Variants in MUC6 observed in about 807,000 individuals in gnomAD.
MUC6 encodes the protein mucin 6, oligomeric mucus/gel-forming (gene/pseudogene).
In MUC6, 188 loss-of-function variants were observed where a neutral mutation model predicts 201.5. That is an observed-to-expected ratio of 0.93 (90% CI 0.83 to 1.05). The LOEUF is 1.05. MUC6 is among the 50% of genes least tolerant of loss of function. MUC6 has a pLI of 0.00. For synonymous variants in MUC6, 1,228 were observed against 1,389.4 expected (o/e 0.88, Z 2.58); for missense variants, 2,706 against 3,256.9 (o/e 0.83, Z 4.12).
intron 19 of MUC6, 138 bp downstream of exon 19, chr11:1,026,803 G>T: frequency 2.1e-6 from 2 of 964,746 alleles, no homozygotes; most frequent in Non-Finnish European, 1.5e-6. Context: ...TGGCCACAGG[G>T]CCGCTTCCAC....
Position 1,028,328 on chromosome 11 carries a change from C to G in MUC6, c.1651G>C (p.Ala551Pro). 1 of 1,612,500 alleles carries G rather than the reference C, an allele frequency of 6.2e-7. No homozygotes were observed. Among genetic ancestry groups the G allele is most frequent in the Non-Finnish European group, 8.5e-7 (1 of 1,179,800 alleles). The change falls in exon 14 of 33, where the codon GCC becomes CCC. Residue 551 changes from alanine to proline, a missense_variant. Around this residue, in one of 10 missense-constraint regions of MUC6, gnomAD observed 1,850 missense variants for 1,958.3 expected, o/e 0.94. Coordinates refer to ENST00000421673, the MANE Select transcript of MUC6 (RefSeq NM_005961.3). ...ACAAACAGCGAGGCGGTGCCCTCGG[C>G]GATACCCATGCTAGTGGTGAAGTCA... ...TDDFTTSMGI[A>P]EGTASLFVDS...
At position 1,020,328 on chromosome 11, in the gene MUC6, C is replaced by G. The variant is rs956977988; in HGVS notation, c.3641-71G>C. 1.8e-5 allele frequency: 28 copies of G among 1,521,840 alleles called. No homozygotes were observed. In the South Asian group the frequency reaches 3.2e-4, roughly 18 times the overall value. 94.3% of individuals were successfully genotyped at this position (1,521,840 alleles called of 1,614,324 possible). A position where few individuals can be genotyped will look rare whatever the true frequency, so the allele number is the denominator to read the frequency against. ...CCTTGGGGAGCACCCTCCCCTCTGC[C>G]TGCTTGGCCCTGAAGCCGGGCAGCC... On this transcript the variant is annotated intron_variant, in intron 28 of 32. Transcript: ENST00000421673.
intron 25 of MUC6, 58 bp from the exon 26 acceptor site, chr11:1,023,710 C>G: frequency 6.3e-7 from 1 of 1,594,420 alleles, no homozygotes; most frequent in Non-Finnish European, 8.6e-7. Context: ...TGGCCCTGAC[C>G]CGGTGGTTCC....
intron 26 of MUC6, 78 bp downstream of exon 26, chr11:1,023,431 C>A: frequency 1.4e-6 from 2 of 1,466,032 alleles, no homozygotes; most frequent in South Asian, 1.3e-5. Flanking sequence ...TGAATGAATG[C>A]GTGTGAATGA....
Position 1,018,557 on chromosome 11 carries a change from G to A in MUC6, c.4244C>T (p.Pro1415Leu), listed in dbSNP as rs769728734. 1 of 1,613,140 alleles carries A rather than the reference G, an allele frequency of 6.2e-7. No individual in the cohort carries two copies. The highest frequency in any genetic ancestry group is 1.3e-5 in the African/African-American group (1 of 74,778). The change falls in exon 31 of 33, where the codon CCC (proline) becomes CTC (leucine). Residue 1415 changes from proline to leucine, a missense_variant. By Grantham distance (98) the Pro-to-Leu change is moderately conservative. Transcript: ENST00000421673. Reference protein sequence around the residue: ...TTHSPPTAGSPVPSTGPVTAT... With the variant: ...TTHSPPTAGSLVPSTGPVTAT... ...AGTGACAGGACCTGTGGAAGGGACG[G>A]GACTCCCCGCCGTAGGCGGGGAGTG...
chr11:1,036,483 T>A, intron 1 of MUC6, 121 bp downstream of exon 1: 1 of 1,163,606 alleles, frequency 8.6e-7, no homozygotes. Flanking sequence ...AGCTGGGGCC[T>A]CCCGTCCATC....
chr11:1,024,179 C>T (rs1856894270), intron 24 of MUC6, 76 bp from the exon 25 acceptor site: 1 of 1,514,298 alleles, frequency 6.6e-7, no homozygotes, highest in African/African-American at 1.4e-5. Context: ...CTGCAGGGCC[C>T]TCAGTGTGGT....
rs745525552 is a variant in MUC6, at chr11:1,017,438, G to A, written c.5363C>T (p.Ala1788Val). ...GGGTGTGGGTAGCCTGCTGCTGGTG[G>A]CCGACGTGGTGTGGGCCACAGGGGT... ...TRTPVAHTTS[A>V]TSSRLPTPFT... The change falls in exon 31 of 33, where the codon GCC becomes GTC. Residue 1788 changes from alanine to valine, a missense_variant. Physicochemically the swap from Ala to Val is moderately conservative, Grantham distance 64. This residue lies in a region of MUC6 where 25 missense variants were observed against 138.4 expected (regional missense o/e 0.18). Transcript: ENST00000421673. 6.2e-7 allele frequency: 1 copy of A among 1,614,060 alleles called. No individual in the cohort carries two copies. Among genetic ancestry groups the A allele is most frequent in the Non-Finnish European group, 8.5e-7 (1 of 1,179,874 alleles).
Position 1,023,082 on chromosome 11 carries a change from G to A in MUC6, c.3526+427C>T, listed in dbSNP as rs558569827. 1.6e-3 allele frequency among the ~76,000 whole-genome samples: 239 copies of A among 150,860 alleles called. 2 individuals carry two copies. Among genetic ancestry groups the A allele is most frequent in the African/African-American group, 5.5e-3 (226 of 40,742 alleles). Reference sequence around the variant, plus strand: ...GAATGAGCGTGAATATGTTGAATGAGTGTGTGTGGGTGAATGAATGGATGA... The same window carrying A: ...GAATGAGCGTGAATATGTTGAATGAATGTGTGTGGGTGAATGAATGGATGA... On this transcript the variant is annotated intron_variant, in intron 26 of 32. Coordinates refer to ENST00000421673, the MANE Select transcript of MUC6 (RefSeq NM_005961.3).
chr11:1,020,717 G>A lies in MUC6; in HGVS notation c.3607C>T (p.Gln1203Ter). ...CVPCMPPTTPQPPTTPQLPTT... is the reference protein window; with the variant it reads ...CVPCMPPTTP ...GGCAGCTGCGGCGTGGTGGGTGGCT[G>A]CGGCGTGGTGGGCGGCACTGCAAGA... is the stretch of plus-strand genomic sequence containing the variant. Residue 1203 changes from glutamine to a stop codon, truncating the protein, a stop_gained, in exon 28 of 33, where the codon CAG (glutamine) becomes TAG (stop). Transcript: ENST00000421673. LOFTEE classifies it high-confidence loss of function. 4 of 1,613,318 alleles carry A rather than the reference G, an allele frequency of 2.5e-6. No homozygotes were observed. Among genetic ancestry groups the A allele is most frequent in the Middle Eastern group, 1.7e-4 (1 of 6,050 alleles).
At position 1,031,750 on chromosome 11, in the gene MUC6, GT is replaced by G. The variant is rs111477857; in HGVS notation, c.357-18del. Reference sequence around the variant, plus strand: ...CTGATGACCCTGTGGGGCAAGGGAAGTCGGTGGTCGATCCTCAGTCCTCCGG... The same window carrying G: ...CTGATGACCCTGTGGGGCAAGGGAAGCGGTGGTCGATCCTCAGTCCTCCGG... On this transcript the variant is annotated intron_variant, in intron 3 of 32. Transcript: ENST00000421673. The G allele has an allele frequency of 3.2e-6, 5 of 1,549,902 alleles. No homozygotes were observed. Among genetic ancestry groups the G allele is most frequent in the African/African-American group, 1.4e-5 (1 of 73,178 alleles).
intron 1 of MUC6, among the ~76,000 whole-genome samples, chr11:1,035,757 C>T (rs982894979): frequency 7.2e-5 from 11 of 152,122 alleles, no homozygotes; most frequent in African/African-American, 2.4e-4. Flanking sequence ...AGCTCTGTCA[C>T]GCCAGCGTCC....
At chr11:1,023,480 A>T in intron 26 of MUC6, 29 bp downstream of exon 26, 1 of 1,553,076 alleles carries the variant, frequency 6.4e-7, no homozygotes, top group Non-Finnish European at 8.7e-7. Context: ...CCCCCTGTGT[A>T]TCTGCGTTGC....
In MUC6 at chr11:1,033,052, TG is replaced by T. The variant is rs1857146553; in HGVS notation, c.75del (p.Ser26AlafsTer7). ...LSAGLANTSY[T>X]SPGLQRLKDS... ...TCCTTCAGCCTCTGGAGGCCTGGGC[TG>T]GTGTAGGAGGTGTTAGCCAGACCTG... On this transcript the variant is annotated frameshift_variant, in exon 2 of 33. Transcript: ENST00000421673. LOFTEE classifies it high-confidence loss of function. This position sits in a 1 kb window ranked among gnomAD's most constrained non-coding sequence, Gnocchi z 5.6. 3 of 1,610,804 alleles carry T rather than the reference TG, an allele frequency of 1.9e-6. No homozygotes were observed. Among genetic ancestry groups the T allele is most frequent in the Non-Finnish European group, 2.5e-6 (3 of 1,177,478 alleles).
At chr11:1,025,735 C>T (rs892688464) in intron 22 of MUC6, 70 bp downstream of exon 22, 35 of 1,395,310 alleles carry the variant, frequency 2.5e-5, no homozygotes, top group Admixed American at 7.8e-5. Flanking sequence ...CTCCAGTGCG[C>T]GGGATCCAGC....
At chr11:1,023,231 C>T (rs976900346) in intron 26 of MUC6, among the ~76,000 whole-genome samples, 20 of 149,260 alleles carry the variant, frequency 1.3e-4, no homozygotes, top group African/African-American at 4.2e-4. Context: ...GTAGTGACTG[C>T]GTGAATGAAT....
At chr11:1,018,918 GC>G in intron 30 of MUC6, 148 bp from the exon 31 acceptor site, 1 of 1,075,876 alleles carries the variant, frequency 9.3e-7, no homozygotes, top group Non-Finnish European at 1.3e-6. Context: ...ACTCCAGCCT[GC>G]CCCATTGTCT....
At chr11:1,026,294 G>T in intron 20 of MUC6, 33 bp downstream of exon 20, 1 of 1,554,722 alleles carries the variant, frequency 6.4e-7, no homozygotes, top group Non-Finnish European at 8.7e-7. Flanking sequence ...GGCCCCAGGA[G>T]CCCAGGGCGT....
chr11:1,030,366 T>TGGCCCC, intron 7 of MUC6, 31 bp from the exon 8 acceptor site: 1 of 1,489,586 alleles, frequency 6.7e-7, no homozygotes, highest in Non-Finnish European at 9.1e-7. Flanking sequence ...GGTGAGAGGG[T>TGGCCCC]CCCACCCCCC....
Sources: gnomAD v4.1 joint callset for allele counts (sites outside exome capture counted in the v4.1 genomes callset) on GRCh38, gnomAD v4.1.1 for gene constraint, gnomAD v4.1.1 regional missense constraint, Gnocchi (gnomAD v3.1) non-coding constraint, MANE v1.5 for transcripts, NCBI Gene and HGNC (gene_info 2026-07-23, HGNC 2026-07-21) for gene names.